The following HDAC4 variants were observed in gnomAD, a reference collection of about 807,000 sequenced individuals.
HDAC4 encodes the protein histone deacetylase A.
In HDAC4, 16 loss-of-function variants were observed where a neutral mutation model predicts 135.1. That is an observed-to-expected ratio of 0.12 (90% confidence interval 0.08 to 0.18). The LOEUF (loss-of-function observed/expected upper bound fraction) is 0.18. Among genes scored for constraint, HDAC4 ranks in the 10% least tolerant of loss-of-function variants. The pLI, the probability that HDAC4 is intolerant of heterozygous loss-of-function variation, is 1.00. For synonymous variants in HDAC4, 685 were observed against 653.4 expected (o/e 1.05, Z -0.74); for missense variants, 1,143 against 1,511.8 (o/e 0.76, Z 4.05).
Position 239,313,209 on chromosome 2 carries a change from A to T in HDAC4, c.22+39469T>A, listed in dbSNP as rs970621040. On this transcript the variant is annotated intron_variant, in intron 2 of 26. Transcript: ENST00000543185. This position sits in a 1 kb window ranked among gnomAD's most constrained non-coding sequence, Gnocchi z 5.1. ...CCAGCACACAGATGTTCTCAGCGGCAGAGCCTGGCTTCTGCCTGAATTCAT... is the reference window on the plus strand; with the variant it reads ...CCAGCACACAGATGTTCTCAGCGGCTGAGCCTGGCTTCTGCCTGAATTCAT... Among the ~76,000 whole-genome samples, 1 of 152,236 alleles carries T rather than the reference A, an allele frequency of 6.6e-6. No homozygotes were observed. Among genetic ancestry groups the T allele is most frequent in the African/African-American group, 2.4e-5 (1 of 41,472 alleles).
At chr2:239,141,000 G>A (rs1559501560) in intron 8 of HDAC4, 2 of 384,268 alleles carry the variant, frequency 5.2e-6, no homozygotes, top group Non-Finnish European at 1.1e-5. Flanking sequence ...TGGCAGACCT[G>A]ATTCCAAACT....
chr2:239,068,368 G>A lies in HDAC4; in HGVS notation c.2869+121C>T. 1 of 743,368 alleles carries A rather than the reference G, an allele frequency of 1.3e-6. No homozygotes were observed. Among genetic ancestry groups the A allele is most frequent in the Non-Finnish European group, 2.4e-6 (1 of 423,040 alleles). 46.0% of individuals were successfully genotyped at this position (743,368 alleles called of 1,614,324 possible). On this transcript the variant is annotated intron_variant, in intron 23 of 26. Transcript: ENST00000543185. The surrounding 1 kb of genome is among the most constrained non-coding windows in gnomAD (Gnocchi z 4.4). ...GGTTCCCAGTACGGTCAGAACCTTG[G>A]TCATTAGTAAAAAGGTGCCCTTCCT...
At chr2:239,159,364 CCT>C (rs1389240176) in intron 6 of HDAC4, among the ~76,000 whole-genome samples, 1 of 149,782 alleles carries the variant, frequency 6.7e-6, no homozygotes, top group Non-Finnish European at 1.5e-5. Flanking sequence ...CCCACACCCA[CCT>C]CACACCCACA....
At chr2:239,055,657 T>C (rs13419215) in intron 24 of HDAC4, among the ~76,000 whole-genome samples, 68,938 of 149,758 alleles carry the variant, frequency 0.46, 16,641 homozygotes, top group African/African-American at 0.55. Context: ...GCGGAGGCTG[T>C]AGTGAGCCAA....
In HDAC4 at chr2:239,115,318, G is replaced by A. The variant is rs751318185; in HGVS notation, c.1534-8C>T. The A allele has an allele frequency of 6.2e-7, 1 of 1,613,088 alleles. No homozygotes were observed. The highest frequency in any genetic ancestry group is 8.5e-7 in the Non-Finnish European group (1 of 1,179,986). On this transcript the variant is annotated splice_polypyrimidine_tract_variant and splice_region_variant and intron_variant, in intron 12 of 26. Coordinates refer to ENST00000543185, the MANE Select transcript of HDAC4 (RefSeq NM_001378414.1). This position sits in a 1 kb window ranked among gnomAD's most constrained non-coding sequence, Gnocchi z 6.3. ...GCTTGGCTTGGGGATGATCTGCAAG[G>A]CGGAGGTAACACATGAAGCACAGAG...
chr2:239,376,688 G>T (rs1190324482), intron 1 of HDAC4, among the ~76,000 whole-genome samples: 2 of 152,186 alleles, frequency 1.3e-5, no homozygotes, highest in African/African-American at 2.4e-5. Flanking sequence ...TTCAGACCGT[G>T]TGTTCCTGAA....
chr2:239,117,326 GC>G (rs1353473591), intron 12 of HDAC4, among the ~76,000 whole-genome samples: 1 of 152,176 alleles, frequency 6.6e-6, no homozygotes, highest in East Asian at 1.9e-4. Context: ...GGTGAGGCCA[GC>G]CCCACGTCTG....
chr2:239,352,731 G>T lies in HDAC4; in HGVS notation c.-32C>A. On this transcript the variant is annotated 5_prime_UTR_variant, in exon 2 of 27. Coordinates refer to ENST00000543185, the MANE Select transcript of HDAC4 (RefSeq NM_001378414.1). This position sits in a 1 kb window ranked among gnomAD's most constrained non-coding sequence, Gnocchi z 4.4. ...CAATGTCCACTCCTTTAAGTGATTCGAAATGGCTCAAAATTTCCACGGAAA... is the reference window on the plus strand; with the variant it reads ...CAATGTCCACTCCTTTAAGTGATTCTAAATGGCTCAAAATTTCCACGGAAA... 1.3e-6 allele frequency: 2 copies of T among 1,552,278 alleles called. No individual in the cohort carries two copies. The highest frequency in any genetic ancestry group is 3.9e-5 in the Admixed American group (2 of 51,516).
chr2:239,276,002 A>G (rs982609847), intron 2 of HDAC4, among the ~76,000 whole-genome samples: 3 of 152,096 alleles, frequency 2.0e-5, no homozygotes, highest in Non-Finnish European at 4.4e-5. Context: ...GCCCAAGCAG[A>G]TGGCCAGCAT....
At chr2:239,278,053 A>G (rs966140839) in intron 2 of HDAC4, among the ~76,000 whole-genome samples, 4 of 151,740 alleles carry the variant, frequency 2.6e-5, no homozygotes, top group Admixed American at 6.6e-5. Context: ...CCAGCTACAC[A>G]CTCCAGCCGC....
intron 2 of HDAC4, among the ~76,000 whole-genome samples, chr2:239,344,943 G>A (rs1692518158): frequency 1.3e-5 from 2 of 152,144 alleles, no homozygotes; most frequent in Non-Finnish European, 1.5e-5. Context: ...GCTGCCCACC[G>A]CAGGGGCCAT....
rs926619515 is a variant in HDAC4, at chr2:239,309,306, G to A, written c.22+43372C>T. 11 of 151,964 alleles carry A rather than the reference G, an allele frequency of 7.2e-5. No homozygotes were observed. Among genetic ancestry groups the A allele is most frequent in the Non-Finnish European group, 1.5e-4 (10 of 68,012 alleles). 9.4% of individuals were successfully genotyped at this position (151,964 alleles called of 1,614,324 possible). ...ATACGAGAGATCACCACAGTGTTTC[G>A]GCTCGAGAGTCACAAAGAACGCCCA... is the stretch of plus-strand genomic sequence containing the variant. On this transcript the variant is annotated intron_variant, in intron 2 of 26. Coordinates refer to ENST00000543185, the MANE Select transcript of HDAC4 (RefSeq NM_001378414.1). The surrounding 1 kb of genome is among the most constrained non-coding windows in gnomAD (Gnocchi z 4.2).
intron 2 of HDAC4, among the ~76,000 whole-genome samples, chr2:239,343,294 C>T (rs574118399): frequency 5.9e-5 from 9 of 152,320 alleles, no homozygotes; most frequent in African/African-American, 1.4e-4. Context: ...GTGGCCACAA[C>T]GTGAAAGTTT....
rs1181267721 is a variant in HDAC4 at position 239,052,772 on chromosome 2, G to A, written c.*325C>T. The A allele has an allele frequency of 2.7e-5, 11 of 409,032 alleles. No individual in the cohort carries two copies. The highest frequency in any genetic ancestry group is 3.6e-5 in the Non-Finnish European group (8 of 223,820). 25.3% of individuals were successfully genotyped at this position (409,032 alleles called of 1,614,324 possible). ...GTCAACTGAATTCGGCAGCTCGGCC[G>A]CCTGTTGCCACAGGCTCCTTTCTTC... On this transcript the variant is annotated 3_prime_UTR_variant, in exon 27 of 27. Transcript: ENST00000543185.
chr2:239,094,885 G>A (rs2036862784), intron 17 of HDAC4, 125 bp downstream of exon 17: 2 of 1,594,912 alleles, frequency 1.3e-6, no homozygotes, highest in East Asian at 2.3e-5. Context: ...CACATGGGCA[G>A]CCCCTGCGTA....
intron 3 of HDAC4, among the ~76,000 whole-genome samples, chr2:239,231,605 G>A (rs2047562075): frequency 3.9e-5 from 6 of 152,254 alleles, no homozygotes; most frequent in Admixed American, 2.0e-4. Context: ...GTTTGCCTCC[G>A]GTTTGCTCCC....
intron 2 of HDAC4, among the ~76,000 whole-genome samples, chr2:239,315,986 A>G (rs182013120): frequency 1.7e-4 from 26 of 152,348 alleles, no homozygotes; most frequent in Admixed American, 6.5e-5. Context: ...TGCAATACAC[A>G]TGAAAGACAA....
chr2:239,091,904 C>CA (rs368201922), intron 17 of HDAC4: 2,440 of 133,088 alleles, frequency 0.018, 33 homozygotes, highest in Non-Finnish European at 0.025. Context: ...ACTAAAAATA[C>CA]AAAAAAAAAA....
chr2:239,084,145 C>CT lies in HDAC4; in HGVS notation c.2532+9dup. 6.2e-7 allele frequency: 1 copy of CT among 1,608,252 alleles called. No homozygotes were observed. Among genetic ancestry groups the CT allele is most frequent in the Non-Finnish European group, 8.5e-7 (1 of 1,175,576 alleles). ...ACCTGAGCTGCGCTGGCCAAGGCGGCTCTGCTTACCCAGTCCACGATGAGG... is the reference window on the plus strand; with the variant it reads ...ACCTGAGCTGCGCTGGCCAAGGCGGCTTCTGCTTACCCAGTCCACGATGAGG... On this transcript the variant is annotated intron_variant, in intron 20 of 26. Coordinates refer to ENST00000543185, the MANE Select transcript of HDAC4 (RefSeq NM_001378414.1).
Sources: gnomAD v4.1 joint callset for allele counts (sites outside exome capture counted in the v4.1 genomes callset) on GRCh38, gnomAD v4.1.1 for gene constraint, Gnocchi (gnomAD v3.1) non-coding constraint, MANE v1.5 for transcripts, NCBI Gene and HGNC (gene_info 2026-07-23, HGNC 2026-07-21) for gene names.